Variants in YY1AP1 observed in about 807,000 individuals in gnomAD.
YY1AP1 encodes YY1 associated protein 1, also known as YY1-associated protein 1.
A neutral mutation model predicts 39.9 loss-of-function variants in YY1AP1; 43 were observed. The ratio of observed to expected loss-of-function variants is 1.08; its 90% CI spans 0.84 to 1.39. The LOEUF (loss-of-function observed/expected upper bound fraction) is 1.39, where lower values mean the gene tolerates loss of function less well. Ranked by LOEUF, YY1AP1 falls within the 40% of genes most tolerant of loss-of-function variation. The pLI, the probability that YY1AP1 is intolerant of heterozygous loss-of-function variation, is 0.00. For synonymous variants in YY1AP1, 292 were observed against 331.3 expected, an observed-to-expected ratio of 0.88 and a Z score of 1.29; for missense variants, 813 against 900.7, an observed-to-expected ratio of 0.90 and a Z score of 1.25.
At chr1:155,674,160 C>CAAAAAA (rs59337809) in intron 6 of YY1AP1, among the ~76,000 whole-genome samples, 8 of 73,624 alleles carry the variant, frequency 1.1e-4, no homozygotes, top group Admixed American at 2.6e-4. Flanking sequence ...GACTCCGTCT[C>CAAAAAA]AAAAAAAAAA....
chr1:155,680,352 A>T, intron 3 of YY1AP1, 64 bp downstream of exon 3: 3 of 1,584,428 alleles, frequency 1.9e-6, no homozygotes, highest in Non-Finnish European at 2.6e-6. Context: ...CAGAGATCAA[A>T]GGACACATTT....
At chr1:155,687,989 G>A in intron 2 of YY1AP1, 82 bp downstream of exon 2, 1 of 1,434,588 alleles carries the variant, frequency 7.0e-7, no homozygotes, top group Non-Finnish European at 9.4e-7. Flanking sequence ...TCCGGGAGAT[G>A]ACAGTGGCTC....
Position 155,660,531 on chromosome 1 carries a change from A to T in YY1AP1, c.1379T>A (p.Leu460Ter). 1.2e-6 allele frequency: 2 copies of T among 1,614,178 alleles called. No individual in the cohort carries two copies. The highest frequency in any genetic ancestry group is 1.7e-6 in the Non-Finnish European group (2 of 1,180,026). ...IPHPIQPATV[L>*]QTVPGVPPLG... ...TGGAGGGACACCTGGAACTGTCTGT[A>T]AAACAGTGGCTGGCTGTATTGGGTG... Residue 460 changes from leucine (L) to a stop codon, truncating the protein, a stop_gained, in exon 11 of 11, where the codon TTA becomes TAA. Transcript: ENST00000355499. LOFTEE classifies it low-confidence loss of function (END_TRUNC).
At chr1:155,675,807 G>A (rs749082766) in intron 5 of YY1AP1, among the ~76,000 whole-genome samples, 43 of 152,050 alleles carry the variant, frequency 2.8e-4, no homozygotes, top group Admixed American at 9.2e-4. Flanking sequence ...CACAAATTTT[G>A]CTTTCTGCAA....
intron 9 of YY1AP1, 85 bp downstream of exon 9, chr1:155,668,542 T>C (rs1649392718): frequency 4.4e-6 from 7 of 1,591,950 alleles, no homozygotes; most frequent in Non-Finnish European, 6.0e-6. Context: ...TAAAAGAAGG[T>C]TCTTCTTTTC....
intron 7 of YY1AP1, 25 bp downstream of exon 7, chr1:155,672,535 T>G (rs1558307848): frequency 1.9e-6 from 3 of 1,606,104 alleles, no homozygotes; most frequent in Non-Finnish European, 2.6e-6. Context: ...AGTAAAAACT[T>G]AAAGCTGACA....
intron 7 of YY1AP1, chr1:155,670,766 C>G (rs1343579240): frequency 2.9e-5 from 9 of 310,936 alleles, no homozygotes; most frequent in Non-Finnish European, 4.9e-5. Context: ...GCTCCGCCTC[C>G]CGGGTTCAGG....
rs1417522796 is a variant in YY1AP1, at chr1:155,670,353, T to C, written c.695A>G (p.Gln232Arg). The change falls in exon 8 of 11, where the codon CAG becomes CGG. Residue 232 changes from glutamine to arginine, a missense_variant. Transcript: ENST00000355499. ...AGCCTTGGTGAAGAGGATCTTATCCTGGGGATTCTTTGCCTTCAGGGAACA... is the reference window on the plus strand; with the variant it reads ...AGCCTTGGTGAAGAGGATCTTATCCCGGGGATTCTTTGCCTTCAGGGAACA... ...PVCSLKAKNPQDKILFTKAED... is the reference protein window; with the variant it reads ...PVCSLKAKNPRDKILFTKAED... 4 of 1,612,728 alleles carry C rather than the reference T, an allele frequency of 2.5e-6. No homozygotes were observed. The highest frequency in any genetic ancestry group is 3.4e-6 in the Non-Finnish European group (4 of 1,179,966).
Position 155,660,204 on chromosome 1 carries a change from C to A in YY1AP1, c.1706G>T (p.Gly569Val). Residue 569 changes from glycine to valine, a missense_variant, in exon 11 of 11, where the codon GGT becomes GTT. By Grantham distance (109) the Gly-to-Val change is moderately radical (BLOSUM62 -3). Coordinates refer to ENST00000355499, the MANE Select transcript of YY1AP1 (RefSeq NM_139119.3). ...GACAGGCTGGATCATGTTACAGCCA[C>A]CGCCAAGGCTCACAATCTTCACAGT... ...ATTVKIVSLGGGCNMIQPVNA... is the reference protein window; with the variant it reads ...ATTVKIVSLGVGCNMIQPVNA... The A allele has an allele frequency of 6.2e-7, 1 of 1,614,172 alleles. No homozygotes were observed. Among genetic ancestry groups the A allele is most frequent in the East Asian group, 2.2e-5 (1 of 44,876 alleles).
At chr1:155,681,052 C>T (rs548721717) in intron 2 of YY1AP1, among the ~76,000 whole-genome samples, 88 of 145,524 alleles carry the variant, frequency 6.0e-4, no homozygotes, top group Non-Finnish European at 1.0e-3. Context: ...TTTTTTGAGA[C>T]GGAGTTTCGC....
At position 155,660,370 on chromosome 1, in the gene YY1AP1, G is replaced by T; in HGVS notation, c.1540C>A (p.Pro514Thr). ...CGAAACATGGAAGAGGCAGGGGAGG[G>T]CATCATTACCTTGGGCACAGGGGCA... ...SSAPVPKVMM[P>T]SPASSMFRKP... Residue 514 changes from proline to threonine, a missense_variant, in exon 11 of 11, where the codon CCC (proline) becomes ACC (threonine). Transcript: ENST00000355499. 1.9e-6 allele frequency: 3 copies of T among 1,614,172 alleles called. No homozygotes were observed. Among genetic ancestry groups the T allele is most frequent in the Non-Finnish European group, 2.5e-6 (3 of 1,180,040 alleles).
Position 155,661,013 on chromosome 1 carries a change from T to C in YY1AP1, c.997-100A>G, listed in dbSNP as rs377670606. The C allele has an allele frequency of 1.5e-5, 23 of 1,583,204 alleles. No homozygotes were observed. In the African/African-American group the frequency reaches 3.0e-4, roughly 20 times the overall value. ...GGACCTGAGACAAGCTCAAGGCATC[T>C]TTCCAAGGGACTCTGCATATGAAAT... On this transcript the variant is annotated intron_variant, in intron 10 of 10. Coordinates refer to ENST00000355499, the MANE Select transcript of YY1AP1 (RefSeq NM_139119.3).
rs1309011144 is a variant in YY1AP1, at chr1:155,660,516, C to A, written c.1394G>T (p.Gly465Val). The A allele has an allele frequency of 1.2e-6, 2 of 1,614,162 alleles. No homozygotes were observed. Among genetic ancestry groups the A allele is most frequent in the South Asian group, 2.2e-5 (2 of 91,082 alleles). ...TCCACTGACCCCCAGTGGAGGGACA[C>A]CTGGAACTGTCTGTAAAACAGTGGC... ...QPATVLQTVP[G>V]VPPLGVSGGE... The change falls in exon 11 of 11, where the codon GGT (glycine) becomes GTT (valine). Residue 465 changes from glycine (G) to valine (V), a missense_variant. Coordinates refer to ENST00000355499, the MANE Select transcript of YY1AP1 (RefSeq NM_139119.3).
chr1:155,688,907 G>T, upstream of YY1AP1: 1 of 1,612,930 alleles, frequency 6.2e-7, no homozygotes, highest in South Asian at 1.1e-5. Flanking sequence ...CAGGGTGGCC[G>T]GCCGAGTCCC....
Position 155,688,176 on chromosome 1 carries a change from C to T in YY1AP1, c.-126G>A, listed in dbSNP as rs1433285083. The T allele has an allele frequency of 6.2e-7, 1 of 1,613,884 alleles. No individual in the cohort carries two copies. The highest frequency in any genetic ancestry group is 1.3e-5 in the African/African-American group (1 of 74,942). On this transcript the variant is annotated 5_prime_UTR_variant, in exon 2 of 11. Coordinates refer to ENST00000355499, the MANE Select transcript of YY1AP1 (RefSeq NM_139119.3). ...TCCACCGCGGATCCCTCCCGCTTGT[C>T]AGGAGGCGGCCAGCGGGTAAGCCGA...
intron 9 of YY1AP1, among the ~76,000 whole-genome samples, chr1:155,666,126 ATCTAT>A (rs1302487894): frequency 7.0e-6 from 1 of 142,768 alleles, no homozygotes; most frequent in African/African-American, 2.6e-5. Flanking sequence ...AGTCCTTAAA[ATCTAT>A]TTTTTTTTTT....
chr1:155,681,462 C>T (rs1651503436), intron 2 of YY1AP1, among the ~76,000 whole-genome samples: 3 of 152,138 alleles, frequency 2.0e-5, no homozygotes, highest in Non-Finnish European at 4.4e-5. Context: ...GTCGCACATG[C>T]ATATAGTCCC....
chr1:155,686,026 C>CTTTTTTT (rs768966023), intron 2 of YY1AP1, among the ~76,000 whole-genome samples: 2 of 76,338 alleles, frequency 2.6e-5, no homozygotes, highest in African/African-American at 5.9e-5. Context: ...TGAAATCAGT[C>CTTTTTTT]TTTTTTTTTT....
intron 3 of YY1AP1, 81 bp downstream of exon 3, chr1:155,680,335 A>G: frequency 6.7e-7 from 1 of 1,493,170 alleles, no homozygotes; most frequent in South Asian, 1.1e-5. Flanking sequence ...TTCTAGAAGG[A>G]GCATCACAGA....
Sources: allele counts gnomAD v4.1 joint callset (sites outside exome capture counted in the v4.1 genomes callset), GRCh38; gene constraint gnomAD v4.1.1; transcripts MANE v1.5; gene names NCBI Gene and HGNC (gene_info 2026-07-23, HGNC 2026-07-21).